IHH: variants seen among roughly 807,000 people sequenced by gnomAD.
IHH encodes Indian hedgehog signaling molecule, also known as indian hedgehog protein.
A neutral mutation model predicts 29.4 loss-of-function variants in IHH; 9 were observed. The ratio of observed to expected loss-of-function variants is 0.31; its 90% CI spans 0.18 to 0.53. IHH has a LOEUF of 0.53. Among genes scored for constraint, IHH ranks in the 20% least tolerant of loss-of-function variants. The pLI, the probability that IHH is intolerant of heterozygous loss-of-function variation, is 0.95. For synonymous variants in IHH, 254 were observed against 252.7 expected, an observed-to-expected ratio of 1.01 and a Z score of -0.05; for missense variants, 454 against 578.1, an observed-to-expected ratio of 0.79 and a Z score of 2.20.
In IHH at chr2:219,057,433, C is replaced by G. The variant is rs745592533; in HGVS notation, c.577G>C (p.Glu193Gln). 6.4e-7 allele frequency: 1 copy of G among 1,565,848 alleles called. No homozygotes were observed. The highest frequency in any genetic ancestry group is 8.7e-7 in the Non-Finnish European group (1 of 1,155,908). ...KAHVHCSVKS[E>Q]HSAAAKTGGC... ...GCCCAGCCCCCCGGCGGCGGCTCACCGGACTTGACGGAGCAATGCACGTGG... is the reference window on the plus strand; with the variant it reads ...GCCCAGCCCCCCGGCGGCGGCTCACGGGACTTGACGGAGCAATGCACGTGG... The change falls in exon 2 of 3, where the codon GAG (glutamate) becomes CAG (glutamine). Residue 193 changes from glutamate to glutamine, a missense_variant and splice_region_variant. Glu to Gln is a conservative substitution (Grantham distance 29, BLOSUM62 2). This residue lies in a region of IHH where 271 missense variants were observed against 315.9 expected (regional missense o/e 0.86). Coordinates refer to ENST00000295731, the MANE Select transcript of IHH (RefSeq NM_002181.4).
intron 2 of IHH, among the ~76,000 whole-genome samples, chr2:219,057,124 C>T (rs929072953): frequency 1.3e-5 from 2 of 152,196 alleles, no homozygotes; most frequent in Admixed American, 6.5e-5. Flanking sequence ...GGCAGCCTGG[C>T]TTCCTCCATC....
intron 1 of IHH, 52 bp from the exon 2 acceptor site, chr2:219,057,746 C>A: frequency 6.3e-7 from 1 of 1,597,206 alleles, no homozygotes; most frequent in Non-Finnish European, 8.5e-7. Flanking sequence ...GCCGGAGGAG[C>A]CGGCCGAGGT....
In IHH at chr2:219,060,071, G is replaced by C; in HGVS notation, c.315+82C>G. The C allele has an allele frequency of 7.9e-7, 1 of 1,268,136 alleles. No homozygotes were observed. The highest frequency in any genetic ancestry group is 2.3e-5 in the East Asian group (1 of 42,874). 78.6% of individuals were successfully genotyped at this position (1,268,136 alleles called of 1,614,324 possible). A position where few individuals can be genotyped will look rare whatever the true frequency, so the allele number is the denominator to read the frequency against. On this transcript the variant is annotated intron_variant, in intron 1 of 2. Transcript: ENST00000295731. The surrounding 1 kb of genome is among the most constrained non-coding windows in gnomAD (Gnocchi z 8.8). The stretch of plus-strand genomic sequence containing the variant: ...GCCAGGGAGCGTGCCAGCCAGTCGA[G>C]AAAATGTGCCAGGGGGTGGGTAGGG...
At position 219,060,516 on chromosome 2, in the gene IHH, T is replaced by C; in HGVS notation, c.-49A>G. The C allele has an allele frequency of 7.7e-7, 1 of 1,303,244 alleles. No individual in the cohort carries two copies. The highest frequency in any genetic ancestry group is 1.9e-5 in the South Asian group (1 of 51,874). The allele number at this position is 1,303,244 out of a possible 1,614,324, so 80.7% of individuals were successfully genotyped here. On this transcript the variant is annotated 5_prime_UTR_variant, in exon 1 of 3. Transcript: ENST00000295731. The surrounding 1 kb of genome is among the most constrained non-coding windows in gnomAD (Gnocchi z 8.8). ...CGGGCGAGGTCTCCTGGTGGGCTGATGGGCAGGCGCGTCGACGGGAGCGCT... is the reference window on the plus strand; with the variant it reads ...CGGGCGAGGTCTCCTGGTGGGCTGACGGGCAGGCGCGTCGACGGGAGCGCT...
At position 219,060,522 on chromosome 2, in the gene IHH, G is replaced by A; in HGVS notation, c.-55C>T. 1 of 1,287,950 alleles carries A rather than the reference G, an allele frequency of 7.8e-7. No homozygotes were observed. Among genetic ancestry groups the A allele is most frequent in the Non-Finnish European group, 1.0e-6 (1 of 1,000,992 alleles). The allele number at this position is 1,287,950 out of a possible 1,614,324, so 79.8% of individuals were successfully genotyped here. A position where few individuals can be genotyped will look rare whatever the true frequency, so the allele number is the denominator to read the frequency against. ...AGGTCTCCTGGTGGGCTGATGGGCA[G>A]GCGCGTCGACGGGAGCGCTGCGGGG... is the stretch of plus-strand genomic sequence containing the variant. On this transcript the variant is annotated 5_prime_UTR_variant, in exon 1 of 3. Coordinates refer to ENST00000295731, the MANE Select transcript of IHH (RefSeq NM_002181.4). This position sits in a 1 kb window ranked among gnomAD's most constrained non-coding sequence, Gnocchi z 8.8.
rs533532683 is a variant in IHH at position 219,055,726 on chromosome 2, G to A, written c.717C>T (p.Thr239=). 1.0e-4 allele frequency: 161 copies of A among 1,613,718 alleles called. No homozygotes were observed. In the South Asian group the frequency reaches 1.6e-3, roughly 16 times the overall value. The change falls in exon 3 of 3, where the codon ACC becomes ACT. Residue 239 remains threonine (T), a synonymous_variant. Transcript: ENST00000295731. ...VLAMGEDGSP[T]FSDVLIFLDR... Reference sequence around the variant, plus strand: ...CCAGGAAAATGAGCACATCGCTGAAGGTGGGGCTCCCATCCTCCCCCATGG... The same window carrying A: ...CCAGGAAAATGAGCACATCGCTGAAAGTGGGGCTCCCATCCTCCCCCATGG...
chr2:219,057,351 G>GC lies in IHH; in HGVS notation c.577+81dup, dbSNP rs34694069. 949,974 of 1,490,022 alleles carry GC rather than the reference G, an allele frequency of 0.64. 309,009 individuals are homozygous for GC. The highest frequency in any genetic ancestry group is 0.67 in the Non-Finnish European group (735,921 of 1,096,190). The allele number at this position is 1,490,022 out of a possible 1,614,324, so 92.3% of individuals were successfully genotyped here. A position where few individuals can be genotyped will look rare whatever the true frequency, so the allele number is the denominator to read the frequency against. The stretch of plus-strand genomic sequence containing the variant: ...GATCCCTGCCTCCATCCCCGGGCGG[G>GC]CTCTTCACCTTCTCGGCACTACTCC... On this transcript the variant is annotated intron_variant, in intron 2 of 2. Transcript: ENST00000295731.
chr2:219,057,537 C>T lies in IHH; in HGVS notation c.473G>A (p.Arg158His). 6.2e-7 allele frequency: 1 copy of T among 1,614,082 alleles called. No homozygotes were observed. Among genetic ancestry groups the T allele is most frequent in the Non-Finnish European group, 8.5e-7 (1 of 1,180,030 alleles). ...CAGCAGTCCATACTTATTGCGGTCG[C>T]GGTCTGATGTGGTGATGTCCACCGC... ...GRAVDITTSD[R>H]DRNKYGLLAR... The change falls in exon 2 of 3, where the codon CGC becomes CAC. Residue 158 changes from arginine to histidine, a missense_variant. Transcript: ENST00000295731.
chr2:219,060,540 C>G lies in IHH; in HGVS notation c.-73G>C. On this transcript the variant is annotated 5_prime_UTR_variant, in exon 1 of 3. Transcript: ENST00000295731. This position sits in a 1 kb window ranked among gnomAD's most constrained non-coding sequence, Gnocchi z 8.8. ...ATGGGCAGGCGCGTCGACGGGAGCG[C>G]TGCGGGGGCTCAGGCGTCCGGGTGG... 8.7e-7 allele frequency: 1 copy of G among 1,147,048 alleles called. No individual in the cohort carries two copies. The highest frequency in any genetic ancestry group is 1.1e-6 in the Non-Finnish European group (1 of 880,820). 71.1% of individuals were successfully genotyped at this position (1,147,048 alleles called of 1,614,324 possible). A position where few individuals can be genotyped will look rare whatever the true frequency, so the allele number is the denominator to read the frequency against.
At position 219,057,643 on chromosome 2, in the gene IHH, G is replaced by A. The variant is rs1217838827; in HGVS notation, c.367C>T (p.Pro123Ser). The A allele has an allele frequency of 3.1e-6, 5 of 1,612,424 alleles. No homozygotes were observed. Among genetic ancestry groups the A allele is most frequent in the South Asian group, 2.2e-5 (2 of 91,084 alleles). The change falls in exon 2 of 3, where the codon CCC becomes TCC. Residue 123 changes from proline to serine, a missense_variant. Pro to Ser is a moderately conservative substitution (Grantham distance 74). Around this residue, in one of 3 missense-constraint regions of IHH, gnomAD observed 70 missense variants for 140.1 expected, o/e 0.50. Transcript: ENST00000295731. The stretch of plus-strand genomic sequence containing the variant: ...TCGGTCACCCGCAGCTTCACACCGG[G>A]CCACTGGTTCATCACCGAGATAGCC... ...SLAISVMNQW[P>S]GVKLRVTEGW...
rs1948813002 is a variant in IHH at position 219,054,579 on chromosome 2, T to C, written c.*628A>G. The C allele has an allele frequency of 6.6e-6, 1 of 151,572 alleles. No individual in the cohort carries two copies. Among genetic ancestry groups the C allele is most frequent in the South Asian group, 2.1e-4 (1 of 4,796 alleles). 9.4% of individuals were successfully genotyped at this position (151,572 alleles called of 1,614,324 possible). ...TCATGGTTCAGCAGAAGGGGGAGCT[T>C]AGCCGGGGGGGTGGCAAGCACATCC... On this transcript the variant is annotated 3_prime_UTR_variant, in exon 3 of 3. Transcript: ENST00000295731.
rs148084426 is a variant in IHH at position 219,055,824 on chromosome 2, C to G, written c.619G>C (p.Gly207Arg). The G allele has an allele frequency of 8.4e-5, 135 of 1,611,782 alleles. No homozygotes were observed. The highest frequency in any genetic ancestry group is 1.1e-4 in the Non-Finnish European group (132 of 1,179,966). The change falls in exon 3 of 3, where the codon GGA becomes CGA. Residue 207 changes from glycine (G) to arginine (R), a missense_variant. Gly to Arg is a moderately radical substitution (Grantham distance 125). Coordinates refer to ENST00000295731, the MANE Select transcript of IHH (RefSeq NM_002181.4). ...AAKTGGCFPAGAQVRLESGAR... is the reference protein window; with the variant it reads ...AAKTGGCFPARAQVRLESGAR... ...CCACTCTCCAGGCGTACCTGGGCTC[C>G]GGCAGGGAAGCAGCCGCCCGTCTTG...
At chr2:219,057,818 G>A in intron 1 of IHH, 124 bp from the exon 2 acceptor site, 3 of 1,335,360 alleles carry the variant, frequency 2.2e-6, no homozygotes, top group Non-Finnish European at 3.1e-6. Flanking sequence ...CTGGAAGCCC[G>A]GGAGGGTGCT....
At position 219,060,576 on chromosome 2, in the gene IHH, C is replaced by G; in HGVS notation, c.-109G>C. On this transcript the variant is annotated 5_prime_UTR_variant, in exon 1 of 3. Coordinates refer to ENST00000295731, the MANE Select transcript of IHH (RefSeq NM_002181.4). This position sits in a 1 kb window ranked among gnomAD's most constrained non-coding sequence, Gnocchi z 8.8. ...CAGGCGTCCGGGTGGCTCCGGGGGG[C>G]TCCAGGCGGGGGCGCCATGGGCGGC... 1.5e-6 allele frequency: 1 copy of G among 673,776 alleles called. No homozygotes were observed. Among genetic ancestry groups the G allele is most frequent in the East Asian group, 3.5e-5 (1 of 28,368 alleles). 41.7% of individuals were successfully genotyped at this position (673,776 alleles called of 1,614,324 possible).
At position 219,060,428 on chromosome 2, in the gene IHH, G is replaced by C. The variant is rs1559180682; in HGVS notation, c.40C>G (p.Leu14Val). 6.3e-7 allele frequency: 1 copy of C among 1,588,768 alleles called. No individual in the cohort carries two copies. The change falls in exon 1 of 3, where the codon CTG (leucine) becomes GTG (valine). Residue 14 changes from leucine to valine, a missense_variant. Transcript: ENST00000295731. This position sits in a 1 kb window ranked among gnomAD's most constrained non-coding sequence, Gnocchi z 8.8. ...ACCACCAGCAGCAGCAACAGGACCAGGCAGAAGTGCAGTCGGGGCCGGAGC... is the reference window on the plus strand; with the variant it reads ...ACCACCAGCAGCAGCAACAGGACCACGCAGAAGTGCAGTCGGGGCCGGAGC... ...ARLRPRLHFC[L>V]VLLLLLVVPA...
Position 219,055,524 on chromosome 2 carries a change from C to A in IHH, c.919G>T (p.Ala307Ser). Residue 307 changes from alanine (A) to serine (S), a missense_variant, in exon 3 of 3, where the codon GCT becomes TCT. Physicochemically the swap from Ala to Ser is moderately conservative, Grantham distance 99. Around this residue, in one of 3 missense-constraint regions of IHH, gnomAD observed 271 missense variants for 315.9 expected, o/e 0.86. Transcript: ENST00000295731. ...GCAGGCTGCAGGCCTGGCACCCCAG[C>A]CACCAGCACGTACTGGCCAGGCTGC... ...HVQPGQYVLV[A>S]GVPGLQPARV... 6.2e-7 allele frequency: 1 copy of A among 1,611,218 alleles called. No homozygotes were observed. Among genetic ancestry groups the A allele is most frequent in the Non-Finnish European group, 8.5e-7 (1 of 1,178,638 alleles).
chr2:219,057,345 G>C, intron 2 of IHH, 88 bp downstream of exon 2: 2 of 1,396,272 alleles, frequency 1.4e-6, no homozygotes, highest in East Asian at 2.5e-5. Flanking sequence ...CTCCATCCCC[G>C]GGCGGGCTCT....
Position 219,057,704 on chromosome 2 carries a change from G to C in IHH, c.316-10C>G, listed in dbSNP as rs778549813. Reference sequence around the variant, plus strand: ...GGCGGTCCTTGCAGCGCTGGGAGAGGAATGTGCGCGAAATCAACCAGAGCG... The same window carrying C: ...GGCGGTCCTTGCAGCGCTGGGAGAGCAATGTGCGCGAAATCAACCAGAGCG... On this transcript the variant is annotated splice_polypyrimidine_tract_variant and intron_variant, in intron 1 of 2. Transcript: ENST00000295731. The C allele has an allele frequency of 6.2e-7, 1 of 1,603,784 alleles. No individual in the cohort carries two copies. Among genetic ancestry groups the C allele is most frequent in the Non-Finnish European group, 8.5e-7 (1 of 1,179,972 alleles).
In IHH at chr2:219,059,299, G is replaced by C. The variant is rs1189040514; in HGVS notation, c.315+854C>G. On this transcript the variant is annotated intron_variant, in intron 1 of 2. Coordinates refer to ENST00000295731, the MANE Select transcript of IHH (RefSeq NM_002181.4). This position sits in a 1 kb window ranked among gnomAD's most constrained non-coding sequence, Gnocchi z 4.7. ...TCGGGAGACCCCGAAGGAAGGGGGT[G>C]AAGGTCTCTCCCCTCGCGGACCTGG... Among the ~76,000 whole-genome samples the C allele has an allele frequency of 1.3e-5, 2 of 152,232 alleles. No homozygotes were observed. Among genetic ancestry groups the C allele is most frequent in the African/African-American group, 4.8e-5 (2 of 41,454 alleles).
Sources: gnomAD v4.1 joint callset for allele counts (sites outside exome capture counted in the v4.1 genomes callset) on GRCh38, gnomAD v4.1.1 for gene constraint, gnomAD v4.1.1 regional missense constraint, Gnocchi (gnomAD v3.1) non-coding constraint, MANE v1.5 for transcripts, NCBI Gene and HGNC (gene_info 2026-07-23, HGNC 2026-07-21) for gene names.